The following RIMBP2 variants were observed in gnomAD, a reference collection of about 807,000 sequenced individuals.
The protein encoded by RIMBP2 is RIMS-binding protein 2.
Under a neutral mutation model 118.6 loss-of-function variants are expected in RIMBP2, and 48 were observed. That is an observed-to-expected ratio of 0.40 (90% CI 0.32 to 0.51). The LOEUF (loss-of-function observed/expected upper bound fraction) is 0.51. RIMBP2 is among the 20% of genes least tolerant of loss of function. The pLI, the probability that RIMBP2 is intolerant of heterozygous loss-of-function variation, is 0.41. For missense variants in RIMBP2, 1,551 were observed against 1,768.3 expected, an observed-to-expected ratio of 0.88 and a Z score of 2.20; for synonymous variants, 762 against 742.9, an observed-to-expected ratio of 1.03 and a Z score of -0.42.
At position 130,676,443 on chromosome 12, in the gene RIMBP2, T is replaced by C. The variant is rs184311608; in HGVS notation, c.-352+39779A>G. ...ATGGAGACCATCCTGGCCAACATGG[T>C]GAAACCCCATCTCTACTAAAAATAC... On this transcript the variant is annotated intron_variant, in intron 1 of 22. Coordinates refer to ENST00000690449, the MANE Select transcript of RIMBP2 (RefSeq NM_001393629.1). Among the ~76,000 whole-genome samples the C allele has an allele frequency of 3.0e-3, 458 of 150,516 alleles. 1 individual carries two copies. The highest frequency in any genetic ancestry group is 0.01 in the African/African-American group (428 of 40,872).
chr12:130,687,185 T>C (rs2065092561), intron 1 of RIMBP2, among the ~76,000 whole-genome samples: 1 of 152,194 alleles, frequency 6.6e-6, no homozygotes, highest in African/African-American at 2.4e-5. Context: ...GCCAAAGCCA[T>C]GTTCAAAGGG....
intron 2 of RIMBP2, among the ~76,000 whole-genome samples, chr12:130,586,382 G>C (rs2140265868): frequency 6.6e-6 from 1 of 152,320 alleles, no homozygotes; most frequent in South Asian, 2.1e-4. Flanking sequence ...AACCCAGGAG[G>C]CAGAAGTTGC....
chr12:130,494,650 AAG>A (rs1427787714), intron 4 of RIMBP2, among the ~76,000 whole-genome samples: 35 of 124,630 alleles, frequency 2.8e-4, no homozygotes, highest in Non-Finnish European at 4.6e-4. Context: ...AAAAAAAAAA[AAG>A]AAAGAAAAGA....
chr12:130,522,546 A>G (rs1291399340), intron 2 of RIMBP2, among the ~76,000 whole-genome samples: 1 of 152,200 alleles, frequency 6.6e-6, no homozygotes, highest in East Asian at 1.9e-4. Flanking sequence ...CTCAAAACAC[A>G]CATACCATGG....
chr12:130,458,729 ATGTCG>A (rs58092599), intron 6 of RIMBP2, among the ~76,000 whole-genome samples: 81,068 of 151,382 alleles, frequency 0.54, 22,008 homozygotes, highest in South Asian at 0.65. Flanking sequence ...CCATTCCCTA[ATGTCG>A]TGTCTATGAA....
At chr12:130,439,588 T>A (rs1405338930) in intron 11 of RIMBP2, among the ~76,000 whole-genome samples, 8 of 105,560 alleles carry the variant, frequency 7.6e-5, no homozygotes, top group Non-Finnish European at 1.3e-4. Context: ...TGTGGGGGTA[T>A]GTGTGTGGGG....
chr12:130,648,645 CTAAAAT>C lies in RIMBP2; in HGVS notation c.-351-20195_-351-20190del, dbSNP rs576048429. ...TAATCATAATCAAGTTAAAAACTATCTAAAATTAGTATCTTTTTTTTTTTTTTTGAG... is the reference window on the plus strand; with the variant it reads ...TAATCATAATCAAGTTAAAAACTATCTAGTATCTTTTTTTTTTTTTTTGAG... On this transcript the variant is annotated intron_variant, in intron 1 of 22. Coordinates refer to ENST00000690449, the MANE Select transcript of RIMBP2 (RefSeq NM_001393629.1). 3.0e-3 allele frequency among the ~76,000 whole-genome samples: 437 copies of C among 143,350 alleles called. 63 individuals carry two copies. The highest frequency in any genetic ancestry group is 5.7e-3 in the Admixed American group (81 of 14,224). 94.0% of individuals were successfully genotyped at this position (143,350 alleles called of 152,430 possible).
intron 1 of RIMBP2, among the ~76,000 whole-genome samples, chr12:130,694,450 A>G (rs1448391358): frequency 1.3e-5 from 2 of 152,346 alleles, no homozygotes; most frequent in South Asian, 2.1e-4. Flanking sequence ...GACAAAGTCC[A>G]GAGTCCTCAC....
rs12426028 is a variant in RIMBP2, at chr12:130,621,625, A to C, written c.-217+6697T>G. The stretch of plus-strand genomic sequence containing the variant: ...CCAAGGCCTCTCTGAGCCCACGGCT[A>C]TATCAGCAGCCTCATTTATGTGTCC... On this transcript the variant is annotated intron_variant, in intron 2 of 22. Coordinates refer to ENST00000690449, the MANE Select transcript of RIMBP2 (RefSeq NM_001393629.1). The surrounding 1 kb of genome is among the most constrained non-coding windows in gnomAD (Gnocchi z 6.6). Among the ~76,000 whole-genome samples the C allele has an allele frequency of 1.3e-5, 2 of 152,220 alleles. No homozygotes were observed. Among genetic ancestry groups the C allele is most frequent in the African/African-American group, 4.8e-5 (2 of 41,452 alleles).
intron 19 of RIMBP2, among the ~76,000 whole-genome samples, chr12:130,410,975 T>A (rs1357163980): frequency 1.3e-5 from 2 of 152,210 alleles, no homozygotes; most frequent in African/African-American, 4.8e-5. Context: ...ATTAAGTCCA[T>A]GAATATGATC....
intron 6 of RIMBP2, chr12:130,468,974 C>G (rs997611498): frequency 2.6e-5 from 4 of 152,192 alleles, no homozygotes; most frequent in Non-Finnish European, 4.4e-5. Context: ...CTCCTCGGAG[C>G]AGCTCCTCAG....
chr12:130,488,010 T>C (rs552204567), intron 4 of RIMBP2, among the ~76,000 whole-genome samples: 2 of 152,322 alleles, frequency 1.3e-5, no homozygotes, highest in East Asian at 3.9e-4. Flanking sequence ...TCCATTTCCG[T>C]GTGTGCACTC....
intron 2 of RIMBP2, among the ~76,000 whole-genome samples, chr12:130,615,435 A>AG (rs542994508): frequency 9.7e-4 from 147 of 151,640 alleles, no homozygotes; most frequent in African/African-American, 3.2e-3. Context: ...CTCAGCCTCC[A>AG]GAGTAGCTGG....
At chr12:130,601,335 CAAAAAAAAAAA>C (rs35127958) in intron 2 of RIMBP2, among the ~76,000 whole-genome samples, 2,798 of 63,254 alleles carry the variant, frequency 0.044, 155 homozygotes, top group African/African-American at 0.14. Flanking sequence ...AGAGGGCAGG[CAAAAAAAAAAA>C]AAAAAAAAAA....
In RIMBP2 at chr12:130,424,364, G is replaced by A. The variant is rs1016166189; in HGVS notation, c.2907C>T (p.Ser969=). The change falls in exon 16 of 23, where the codon AGC becomes AGT. Residue 969 remains serine, a synonymous_variant. Coordinates refer to ENST00000690449, the MANE Select transcript of RIMBP2 (RefSeq NM_001393629.1). The surrounding 1 kb of genome is among the most constrained non-coding windows in gnomAD (Gnocchi z 9.8). ...ARRRTLTRQS[S]VEEDFGEQVG... is the part of the protein sequence containing the mutation. ...CCTGCTCCCCAAAGTCCTCCTCCAC[G>A]CTGCTCTGCCGGGTCAGCGTCCGCC... The A allele has an allele frequency of 5.0e-5, 62 of 1,232,498 alleles. No individual in the cohort carries two copies. In the Admixed American group the frequency reaches 1.5e-3, roughly 30 times the overall value. The allele number at this position is 1,232,498 out of a possible 1,614,324, so 76.3% of individuals were successfully genotyped here. A position where few individuals can be genotyped will look rare whatever the true frequency, so the allele number is the denominator to read the frequency against.
Position 130,610,685 on chromosome 12 carries a change from C to T in RIMBP2, c.-217+17637G>A, listed in dbSNP as rs531275149. 1.5e-3 allele frequency among the ~76,000 whole-genome samples: 219 copies of T among 150,724 alleles called. 1 individual carries two copies. The highest frequency in any genetic ancestry group is 2.7e-3 in the Non-Finnish European group (185 of 67,732). On this transcript the variant is annotated intron_variant, in intron 2 of 22. Coordinates refer to ENST00000690449, the MANE Select transcript of RIMBP2 (RefSeq NM_001393629.1). ...ACGCCATTCTCCTGCCTCAGCCTCC[C>T]AAGTAGCTGGGACTACAGGCGCCCG...
intron 1 of RIMBP2, among the ~76,000 whole-genome samples, chr12:130,694,291 C>G (rs1217457444): frequency 6.6e-6 from 1 of 152,238 alleles, no homozygotes; most frequent in Non-Finnish European, 1.5e-5. Flanking sequence ...TGAACATCAA[C>G]TCAGCACTTT....
chr12:130,428,075 AGGGCAAGGCCCCTCTG>A (rs2076911752), intron 15 of RIMBP2, 88 bp downstream of exon 15: 1 of 1,101,604 alleles, frequency 9.1e-7, no homozygotes, highest in African/African-American at 1.6e-5. Context: ...TACTGGTTGT[AGGGCAAGGCCCCTCTG>A]GAGCCTGCCT....
intron 1 of RIMBP2, among the ~76,000 whole-genome samples, chr12:130,645,221 G>A (rs1245018222): frequency 1.3e-5 from 2 of 151,994 alleles, no homozygotes; most frequent in Admixed American, 1.3e-4. Flanking sequence ...AGGTCCCCGA[G>A]TAGCTGGGAC....
Sources: allele counts gnomAD v4.1 joint callset (sites outside exome capture counted in the v4.1 genomes callset), GRCh38; gene constraint gnomAD v4.1.1; non-coding constraint Gnocchi (gnomAD v3.1); transcripts MANE v1.5; gene names NCBI Gene and HGNC (gene_info 2026-07-23, HGNC 2026-07-21).